SLC25A21: variants seen among roughly 807,000 people sequenced by gnomAD.
The protein encoded by SLC25A21 is mitochondrial 2-oxodicarboxylate carrier.
SLC25A21 carries 47 observed loss-of-function variants against 43.8 expected under a neutral mutation model. That is an observed-to-expected ratio of 1.07 (90% confidence interval 0.85 to 1.37). The LOEUF is 1.37. Among genes scored for constraint, SLC25A21 ranks in the 40% most tolerant of loss-of-function variants. The pLI is 0.00. For synonymous variants in SLC25A21, 131 were observed against 121.3 expected (o/e 1.08, Z -0.52); for missense variants, 352 against 350.2 (o/e 1.00, Z -0.04).
At chr14:36,911,579 AT>A (rs143212007) in intron 1 of SLC25A21, among the ~76,000 whole-genome samples, 2,011 of 152,220 alleles carry the variant, frequency 0.013, 40 homozygotes, top group African/African-American at 0.045. Flanking sequence ...TGCCTAGTCC[AT>A]TTCTTTTAGG....
chr14:37,071,483 A>G (rs1962168102), intron 1 of SLC25A21, among the ~76,000 whole-genome samples: 1 of 152,082 alleles, frequency 6.6e-6, no homozygotes, highest in Non-Finnish European at 1.5e-5. Flanking sequence ...ACCCATTAAA[A>G]CCCCTATAAA....
intron 3 of SLC25A21, among the ~76,000 whole-genome samples, chr14:36,780,612 C>T (rs925794856): frequency 2.0e-5 from 3 of 151,878 alleles, no homozygotes; most frequent in East Asian, 1.9e-4. Flanking sequence ...TGTGTTAATT[C>T]CCACATTATT....
At chr14:36,763,058 T>G (rs896780485) in intron 3 of SLC25A21, among the ~76,000 whole-genome samples, 2 of 152,198 alleles carry the variant, frequency 1.3e-5, no homozygotes, top group African/African-American at 4.8e-5. Flanking sequence ...ATGCCTGCCT[T>G]AAAGCACGAA....
chr14:37,135,303 T>C (rs887529857), intron 1 of SLC25A21, among the ~76,000 whole-genome samples: 2 of 152,136 alleles, frequency 1.3e-5, no homozygotes, highest in Non-Finnish European at 2.9e-5. Flanking sequence ...GAAGCTGAGA[T>C]GGCAGTATCA....
intron 3 of SLC25A21, among the ~76,000 whole-genome samples, chr14:36,783,362 T>C (rs1465285571): frequency 1.3e-5 from 2 of 152,138 alleles, no homozygotes; most frequent in African/African-American, 4.8e-5. Flanking sequence ...AGCCCCCTGA[T>C]AGATTCCATG....
rs115167890 is a variant in SLC25A21 at position 36,912,178 on chromosome 14, G to A, written c.71-37174C>T. On this transcript the variant is annotated intron_variant, in intron 1 of 9. Transcript: ENST00000331299. ...GGATCTATTTCATTAACTTTGCTAA[G>A]AATTTATGGCAATGATGTTCACTCA... is the stretch of plus-strand genomic sequence containing the variant. 9.7e-3 allele frequency among the ~76,000 whole-genome samples: 1,471 copies of A among 152,282 alleles called. 20 individuals are homozygous for A. Among genetic ancestry groups the A allele is most frequent in the African/African-American group, 0.034 (1,398 of 41,560 alleles).
intron 2 of SLC25A21, among the ~76,000 whole-genome samples, chr14:36,850,155 T>C (rs1275792323): frequency 1.3e-5 from 2 of 151,824 alleles, no homozygotes; most frequent in African/African-American, 2.4e-5. Flanking sequence ...GGATGAAGAG[T>C]TGGCCATGGG....
intron 1 of SLC25A21, among the ~76,000 whole-genome samples, chr14:36,889,307 C>G (rs1463060499): frequency 2.0e-5 from 3 of 152,100 alleles, no homozygotes; most frequent in African/African-American, 7.2e-5. Context: ...GAAAAACTTA[C>G]CAAAATGAAA....
intron 1 of SLC25A21, among the ~76,000 whole-genome samples, chr14:36,931,464 T>C (rs1343067994): frequency 1.3e-5 from 2 of 152,086 alleles, no homozygotes; most frequent in Non-Finnish European, 2.9e-5. Flanking sequence ...TGGATAAATG[T>C]GGCTATTGCT....
intron 1 of SLC25A21, among the ~76,000 whole-genome samples, chr14:37,134,723 T>C (rs1963449253): frequency 6.6e-6 from 1 of 151,592 alleles, no homozygotes; most frequent in Admixed American, 6.6e-5. Flanking sequence ...AACCTGACTA[T>C]TCCAGAAAAA....
intron 4 of SLC25A21, among the ~76,000 whole-genome samples, chr14:36,732,402 C>T (rs1566550323): frequency 6.6e-6 from 1 of 151,940 alleles, no homozygotes; most frequent in Non-Finnish European, 1.5e-5. Flanking sequence ...GAAGCCGGAA[C>T]CATGGTGCCG....
At chr14:36,758,967 G>C (rs1886039648) in intron 3 of SLC25A21, among the ~76,000 whole-genome samples, 1 of 152,180 alleles carries the variant, frequency 6.6e-6, no homozygotes, top group African/African-American at 2.4e-5. Context: ...AGGCTGCAGA[G>C]GGGTTTGAGC....
chr14:37,076,847 C>G (rs1181931158), intron 1 of SLC25A21, among the ~76,000 whole-genome samples: 1 of 152,142 alleles, frequency 6.6e-6, no homozygotes, highest in Non-Finnish European at 1.5e-5. Context: ...GGGAAGGGTA[C>G]AGCATGGAGA....
intron 1 of SLC25A21, among the ~76,000 whole-genome samples, chr14:37,114,852 G>A (rs956666428): frequency 9.9e-5 from 15 of 151,956 alleles, no homozygotes; most frequent in Non-Finnish European, 1.2e-4. Flanking sequence ...GATGAATTTC[G>A]ATGTTTTCTC....
chr14:37,074,275 T>C (rs1295254864), intron 1 of SLC25A21, among the ~76,000 whole-genome samples: 2 of 152,174 alleles, frequency 1.3e-5, no homozygotes, highest in African/African-American at 4.8e-5. Flanking sequence ...ATTCTACGGT[T>C]GAAACTGATG....
intron 1 of SLC25A21, among the ~76,000 whole-genome samples, chr14:37,037,721 T>C (rs572760561): frequency 6.6e-6 from 1 of 152,282 alleles, no homozygotes; most frequent in Admixed American, 6.5e-5. Flanking sequence ...AGGAGCATTT[T>C]AGTCTCTTGC....
In SLC25A21 at chr14:36,813,937, T is replaced by C. The variant is rs1460784306; in HGVS notation, c.184A>G (p.Met62Val). The part of the protein sequence containing the change: ...SYKSLVDSFR[M>V]IFQMEGLFGF... ...ACATACCCTTCCATTTGGAAAATCA[T>C]TCGAAAGCTGTCTACCAAGCTTTTA... The change falls in exon 3 of 10, where the codon ATG becomes GTG. Residue 62 changes from methionine (M) to valine (V), a missense_variant. Met to Val is a conservative substitution (Grantham distance 21). Transcript: ENST00000331299. 1 of 1,607,916 alleles carries C rather than the reference T, an allele frequency of 6.2e-7. No individual in the cohort carries two copies. Among genetic ancestry groups the C allele is most frequent in the Non-Finnish European group, 8.5e-7 (1 of 1,177,588 alleles).
intron 1 of SLC25A21, among the ~76,000 whole-genome samples, chr14:37,130,583 A>T (rs1321253146): frequency 6.6e-6 from 1 of 152,252 alleles, no homozygotes; most frequent in African/African-American, 2.4e-5. Flanking sequence ...TACAACTATG[A>T]CAAGAACTCT....
At chr14:36,788,002 T>A (rs532206271) in intron 3 of SLC25A21, among the ~76,000 whole-genome samples, 1 of 152,316 alleles carries the variant, frequency 6.6e-6, no homozygotes, top group South Asian at 2.1e-4. Flanking sequence ...TAAGCAACTA[T>A]AAACACTAAC....
Sources: allele counts gnomAD v4.1 joint callset (sites outside exome capture counted in the v4.1 genomes callset), GRCh38; gene constraint gnomAD v4.1.1; transcripts MANE v1.5; gene names NCBI Gene and HGNC (gene_info 2026-07-23, HGNC 2026-07-21).